CCSER1: variants seen among roughly 807,000 people sequenced by gnomAD.
CCSER1 encodes the protein serine-rich coiled-coil domain-containing protein 1.
Under a neutral mutation model 82.0 loss-of-function variants are expected in CCSER1, and 41 were observed. The observed-to-expected ratio is 0.50, with a 90% CI of 0.39 to 0.65. The LOEUF is 0.65. CCSER1 is among the 30% of genes least tolerant of loss of function. CCSER1 has a pLI of 0.00. For synonymous variants in CCSER1, 414 were observed against 383.9 expected (o/e 1.08, Z -0.92); for missense variants, 1,119 against 1,064.2 (o/e 1.05, Z -0.72).
At chr4:90,624,689 A>G (rs1722955381) in intron 5 of CCSER1, among the ~76,000 whole-genome samples, 1 of 152,206 alleles carries the variant, frequency 6.6e-6, no homozygotes, top group Non-Finnish European at 1.5e-5. Context: ...CACTTAATAT[A>G]ACATTTATGG....
At chr4:90,595,139 G>T (rs1485518703) in intron 5 of CCSER1, among the ~76,000 whole-genome samples, 4 of 151,872 alleles carry the variant, frequency 2.6e-5, no homozygotes, top group Non-Finnish European at 5.9e-5. Flanking sequence ...ATTTCATCCA[G>T]TAGTTCTTAT....
intron 8 of CCSER1, among the ~76,000 whole-genome samples, chr4:90,914,653 T>C (rs369175517): frequency 1.3e-4 from 20 of 149,342 alleles, no homozygotes; most frequent in South Asian, 8.4e-4. Flanking sequence ...CAGAGCAGAA[T>C]TGAAGGAAAT....
At chr4:91,016,821 A>G (rs41338244) in intron 9 of CCSER1, among the ~76,000 whole-genome samples, 6,780 of 152,250 alleles carry the variant, frequency 0.045, 253 homozygotes, top group South Asian at 0.12. Flanking sequence ...AAAGATTTGT[A>G]GTTGTAGCTC....
intron 9 of CCSER1, among the ~76,000 whole-genome samples, chr4:90,981,906 G>C (rs919386941): frequency 2.0e-5 from 3 of 151,772 alleles, no homozygotes; most frequent in Non-Finnish European, 4.4e-5. Flanking sequence ...CAAAACTGAT[G>C]CATGAGAGTA....
At chr4:90,817,383 T>C (rs6838797) in intron 8 of CCSER1, among the ~76,000 whole-genome samples, 50,766 of 151,892 alleles carry the variant, frequency 0.33, 8,636 homozygotes, top group East Asian at 0.42. Context: ...TACAAGAAAT[T>C]GGACCTTCAT....
chr4:90,654,796 T>G (rs1729415041), intron 6 of CCSER1, among the ~76,000 whole-genome samples: 1 of 152,018 alleles, frequency 6.6e-6, no homozygotes, highest in Non-Finnish European at 1.5e-5. Context: ...AGTATAAGAA[T>G]GAGTGTGATG....
chr4:90,728,818 G>A (rs1469121073), intron 7 of CCSER1, among the ~76,000 whole-genome samples: 1 of 152,128 alleles, frequency 6.6e-6, no homozygotes, highest in Non-Finnish European at 1.5e-5. Flanking sequence ...AAAATGAAGT[G>A]TGTAGAAAAA....
intron 10 of CCSER1, among the ~76,000 whole-genome samples, chr4:91,449,622 A>T (rs1292744279): frequency 6.6e-6 from 1 of 151,992 alleles, no homozygotes; most frequent in Non-Finnish European, 1.5e-5. Flanking sequence ...GGCGGACCTC[A>T]TTTGGTTCTC....
At chr4:90,704,162 A>T (rs187169349) in intron 6 of CCSER1, among the ~76,000 whole-genome samples, 1,782 of 152,260 alleles carry the variant, frequency 0.012, 28 homozygotes, top group African/African-American at 0.038. Context: ...CTTTTAGGGC[A>T]GGCCTGGTGA....
chr4:91,433,158 C>T (rs1304815756), intron 10 of CCSER1, among the ~76,000 whole-genome samples: 1 of 152,142 alleles, frequency 6.6e-6, no homozygotes, highest in Admixed American at 6.6e-5. Flanking sequence ...CAATTCTTCT[C>T]TTTCAGACCC....
chr4:90,265,132 G>A (rs917830451), intron 1 of CCSER1, among the ~76,000 whole-genome samples: 2 of 151,816 alleles, frequency 1.3e-5, no homozygotes, highest in African/African-American at 4.8e-5. Context: ...AGGGAAGAGT[G>A]TATGAACTAC....
chr4:91,308,531 A>G (rs1445020151), intron 10 of CCSER1, among the ~76,000 whole-genome samples: 1 of 152,004 alleles, frequency 6.6e-6, no homozygotes, highest in African/African-American at 2.4e-5. Context: ...AATCTTTGCT[A>G]AAGAACAATG....
chr4:90,872,861 A>G (rs1358215695), intron 8 of CCSER1, among the ~76,000 whole-genome samples: 1 of 151,862 alleles, frequency 6.6e-6, no homozygotes. Context: ...TATCTCCTTC[A>G]TGTTTGAAAG....
chr4:90,438,886 G>GATAGT (rs1433425170), intron 4 of CCSER1, among the ~76,000 whole-genome samples: 3 of 152,122 alleles, frequency 2.0e-5, no homozygotes, highest in Non-Finnish European at 4.4e-5. Flanking sequence ...GCACAGTGCA[G>GATAGT]ATAGTGAAAT....
At chr4:90,870,993 T>C (rs1766414342) in intron 8 of CCSER1, among the ~76,000 whole-genome samples, 1 of 151,362 alleles carries the variant, frequency 6.6e-6, no homozygotes. Flanking sequence ...TCGTTTCTAA[T>C]GATCTTTTGA....
At chr4:91,311,517 A>G (rs1202789499) in intron 10 of CCSER1, among the ~76,000 whole-genome samples, 1 of 151,922 alleles carries the variant, frequency 6.6e-6, no homozygotes, top group African/African-American at 2.4e-5. Flanking sequence ...TCATTATTTC[A>G]TTGAACATGC....
chr4:90,666,957 T>C (rs1731904726), intron 6 of CCSER1, among the ~76,000 whole-genome samples: 1 of 152,182 alleles, frequency 6.6e-6, no homozygotes. Flanking sequence ...ATAATAACTC[T>C]AATAATCTCT....
intron 10 of CCSER1, among the ~76,000 whole-genome samples, chr4:91,180,348 G>A (rs935792294): frequency 1.3e-5 from 2 of 152,212 alleles, no homozygotes; most frequent in African/African-American, 4.8e-5. Flanking sequence ...GTCAGACAGG[G>A]ACGTTGAAGT....
At chr4:90,250,315 A>G (rs2153440681) in intron 1 of CCSER1, among the ~76,000 whole-genome samples, 1 of 152,196 alleles carries the variant, frequency 6.6e-6, no homozygotes, top group South Asian at 2.1e-4. Context: ...CAAAGTTGTT[A>G]AGATTTACTC....
Sources: allele counts gnomAD v4.1 joint callset (sites outside exome capture counted in the v4.1 genomes callset), GRCh38; gene constraint gnomAD v4.1.1; transcripts MANE v1.5; gene names NCBI Gene and HGNC (gene_info 2026-07-23, HGNC 2026-07-21).